POU2F1: variants seen among roughly 807,000 people sequenced by gnomAD.
POU2F1 encodes the protein POU class 2 homeobox 1, also known as POU domain, class 2, transcription factor 1.
POU2F1 carries 16 observed loss-of-function variants against 84.9 expected under a neutral mutation model. The ratio of observed to expected loss-of-function variants is 0.19; its 90% CI spans 0.13 to 0.29. The LOEUF is 0.29. Among genes scored for constraint, POU2F1 ranks in the 10% least tolerant of loss-of-function variants. The pLI, the probability that POU2F1 is intolerant of heterozygous loss-of-function variation, is 1.00. For missense variants in POU2F1, 738 were observed against 942.6 expected (o/e 0.78, Z 2.84); for synonymous variants, 368 against 368.3 (o/e 1.00, Z 0.01).
At chr1:167,368,131 C>T (rs951490334) in intron 3 of POU2F1, among the ~76,000 whole-genome samples, 5 of 152,146 alleles carry the variant, frequency 3.3e-5, no homozygotes, top group African/African-American at 9.7e-5. Context: ...CCATACTTTG[C>T]GTTTAGCTGT....
intron 1 of POU2F1, among the ~76,000 whole-genome samples, chr1:167,256,053 T>G (rs1410390495): frequency 6.6e-6 from 1 of 152,196 alleles, no homozygotes; most frequent in Non-Finnish European, 1.5e-5. Context: ...AGTTACATGG[T>G]TGGTTCAAGG....
At chr1:167,304,088 G>T (rs1007011263) in intron 1 of POU2F1, among the ~76,000 whole-genome samples, 4 of 152,104 alleles carry the variant, frequency 2.6e-5, no homozygotes. Flanking sequence ...TCCGACTCCA[G>T]TTCAGAATCT....
chr1:167,384,374 T>G (rs542073145), intron 8 of POU2F1, among the ~76,000 whole-genome samples: 213 of 152,302 alleles, frequency 1.4e-3, no homozygotes, highest in African/African-American at 4.5e-3. Context: ...GTGCTTTAGC[T>G]CATTTCTACT....
At chr1:167,317,422 G>GAC (rs201626686) in intron 1 of POU2F1, among the ~76,000 whole-genome samples, 168 of 152,250 alleles carry the variant, frequency 1.1e-3, no homozygotes, top group African/African-American at 3.5e-3. Context: ...AGGAATTAAA[G>GAC]ACACACACAC....
chr1:167,327,582 C>A (rs1656791072), intron 1 of POU2F1, among the ~76,000 whole-genome samples: 1 of 152,156 alleles, frequency 6.6e-6, no homozygotes, highest in South Asian at 2.1e-4. Flanking sequence ...TATTAATGGG[C>A]TGACACCTTT....
intron 4 of POU2F1, among the ~76,000 whole-genome samples, chr1:167,370,841 C>T (rs1371047498): frequency 2.0e-5 from 3 of 152,214 alleles, no homozygotes; most frequent in African/African-American, 7.2e-5. Flanking sequence ...AATCTTAAAA[C>T]TTAAATCTGG....
At position 167,280,360 on chromosome 1, in the gene POU2F1, G is replaced by GT. The variant is rs775992023; in HGVS notation, c.62-52097dup. Reference sequence around the variant, plus strand: ...TTTATTGCCATTACTGTTATGTAGGGTTTTTTTTTTTTTCAGACTTTTAGT... The same window carrying GT: ...TTTATTGCCATTACTGTTATGTAGGGTTTTTTTTTTTTTTCAGACTTTTAGT... On this transcript the variant is annotated intron_variant, in intron 1 of 15. Transcript: ENST00000367866. Among the ~76,000 whole-genome samples the GT allele has an allele frequency of 7.7e-3, 1,079 of 139,554 alleles. 7 individuals are homozygous for GT. The highest frequency in any genetic ancestry group is 0.016 in the African/African-American group (624 of 38,198). 91.6% of individuals were successfully genotyped at this position (139,554 alleles called of 152,430 possible).
At chr1:167,246,077 A>G (rs990004113) in intron 1 of POU2F1, among the ~76,000 whole-genome samples, 2 of 152,258 alleles carry the variant, frequency 1.3e-5, no homozygotes, top group Non-Finnish European at 2.9e-5. Context: ...AATATCTAAG[A>G]TTCATGTACA....
chr1:167,412,792 G>T (rs189253259), intron 14 of POU2F1, among the ~76,000 whole-genome samples: 4 of 152,194 alleles, frequency 2.6e-5, no homozygotes, highest in Admixed American at 2.6e-4. Flanking sequence ...TCAAAGAAGG[G>T]TCAAAATGAC....
At chr1:167,321,515 C>T (rs1022614402) in intron 1 of POU2F1, among the ~76,000 whole-genome samples, 1 of 152,040 alleles carries the variant, frequency 6.6e-6, no homozygotes, top group Non-Finnish European at 1.5e-5. Flanking sequence ...CTCCATTTAC[C>T]TCATTTTTTC....
At chr1:167,314,301 A>G (rs866056751) in intron 1 of POU2F1, among the ~76,000 whole-genome samples, 3 of 152,200 alleles carry the variant, frequency 2.0e-5, no homozygotes, top group African/African-American at 7.2e-5. Context: ...CAGTATTACT[A>G]GCCACTAGGG....
intron 2 of POU2F1, among the ~76,000 whole-genome samples, chr1:167,340,749 T>C (rs1042401418): frequency 3.3e-5 from 5 of 152,118 alleles, no homozygotes; most frequent in African/African-American, 9.7e-5. Context: ...TTGTCTCCGA[T>C]GCGCAAGATA....
At chr1:167,343,252 A>C (rs1657974954) in intron 2 of POU2F1, among the ~76,000 whole-genome samples, 1 of 152,226 alleles carries the variant, frequency 6.6e-6, no homozygotes. Flanking sequence ...TAAATGACTG[A>C]ATAAGCAATT....
intron 1 of POU2F1, among the ~76,000 whole-genome samples, chr1:167,234,489 T>C (rs1649305551): frequency 6.6e-6 from 1 of 152,174 alleles, no homozygotes; most frequent in African/African-American, 2.4e-5. Context: ...CCCAGCACTT[T>C]GGGAGGCTGA....
chr1:167,349,403 T>A (rs1298126940), intron 2 of POU2F1, among the ~76,000 whole-genome samples: 4 of 152,022 alleles, frequency 2.6e-5, no homozygotes, highest in Admixed American at 6.6e-5. Flanking sequence ...GCTATCCCTT[T>A]TCCTCTTTAT....
At chr1:167,224,557 G>A (rs1158989228) in intron 1 of POU2F1, among the ~76,000 whole-genome samples, 1 of 152,138 alleles carries the variant, frequency 6.6e-6, no homozygotes, top group Non-Finnish European at 1.5e-5. Context: ...TTGCAACAGT[G>A]ATTGCACTTA....
intron 1 of POU2F1, among the ~76,000 whole-genome samples, chr1:167,317,980 T>C (rs2102622698): frequency 6.6e-6 from 1 of 152,340 alleles, no homozygotes; most frequent in Admixed American, 6.5e-5. Context: ...CGATCATCAT[T>C]GAAATCACAG....
At chr1:167,233,987 AT>A (rs777489765) in intron 1 of POU2F1, among the ~76,000 whole-genome samples, 106 of 152,298 alleles carry the variant, frequency 7.0e-4, no homozygotes, top group Middle Eastern at 6.8e-3. Context: ...TTGTTATCCT[AT>A]CTTTCAGGTT....
intron 9 of POU2F1, among the ~76,000 whole-genome samples, chr1:167,391,961 A>G (rs1174294103): frequency 6.6e-6 from 1 of 152,194 alleles, no homozygotes; most frequent in Admixed American, 6.5e-5. Flanking sequence ...GAGGAAATAC[A>G]GTTACATTTG....
Sources: gnomAD v4.1 joint callset for allele counts (sites outside exome capture counted in the v4.1 genomes callset) on GRCh38, gnomAD v4.1.1 for gene constraint, MANE v1.5 for transcripts, NCBI Gene and HGNC (gene_info 2026-07-23, HGNC 2026-07-21) for gene names.